Variants in MACROD2 observed in about 807,000 individuals in gnomAD.
MACROD2 encodes mono-ADP ribosylhydrolase 2.
MACROD2 carries 36 observed loss-of-function variants against 70.4 expected under a neutral mutation model. The observed-to-expected ratio is 0.51, with a 90% CI of 0.39 to 0.68. The LOEUF is 0.68. MACROD2 is among the 30% of genes least tolerant of loss of function. The pLI is 0.00. For synonymous variants in MACROD2, 172 were observed against 178.8 expected (o/e 0.96, Z 0.30); for missense variants, 496 against 538.4 (o/e 0.92, Z 0.78).
chr20:15,721,242 ATCTGAAG>A (rs11276839), intron 8 of MACROD2, among the ~76,000 whole-genome samples: 110,397 of 151,570 alleles, frequency 0.73, 41,779 homozygotes, highest in Non-Finnish European at 0.84. Flanking sequence ...TGGTCTACAT[ATCTGAAG>A]TCTTGTAACC....
At chr20:14,295,077 A>G (rs2082416123) in intron 3 of MACROD2, among the ~76,000 whole-genome samples, 1 of 151,812 alleles carries the variant, frequency 6.6e-6, no homozygotes, top group South Asian at 2.1e-4. Flanking sequence ...TTTTTGAAGC[A>G]AATCCCAGAA....
chr20:14,036,423 C>T (rs1187071410), intron 2 of MACROD2, among the ~76,000 whole-genome samples: 1 of 152,142 alleles, frequency 6.6e-6, no homozygotes, highest in Non-Finnish European at 1.5e-5. Flanking sequence ...CAGGAGTCTG[C>T]ACTGTTAACA....
In MACROD2 at chr20:15,998,473, T is replaced by A. The variant is rs372489556; in HGVS notation, c.1153+11315T>A. ...TATCCCATTTGTTGGCATATAATTGTTCATAGCAGTCTCTTATGAACCCTT... is the reference window on the plus strand; with the variant it reads ...TATCCCATTTGTTGGCATATAATTGATCATAGCAGTCTCTTATGAACCCTT... On this transcript the variant is annotated intron_variant, in intron 15 of 17. Coordinates refer to ENST00000684519, the MANE Select transcript of MACROD2 (RefSeq NM_001351661.2). Among the ~76,000 whole-genome samples, 3 of 152,316 alleles carry A rather than the reference T, an allele frequency of 2.0e-5. No individual in the cohort carries two copies. The East Asian group carries it at 5.8e-4, about 29-fold the overall frequency.
chr20:15,145,492 C>T (rs567415854), intron 5 of MACROD2, among the ~76,000 whole-genome samples: 1 of 152,194 alleles, frequency 6.6e-6, no homozygotes, highest in East Asian at 1.9e-4. Flanking sequence ...AATCTGAACC[C>T]TTCTTTTCTG....
At chr20:14,741,892 G>A (rs2071737395) in intron 5 of MACROD2, among the ~76,000 whole-genome samples, 1 of 151,960 alleles carries the variant, frequency 6.6e-6, no homozygotes, top group Non-Finnish European at 1.5e-5. Context: ...AGAAAAAAAT[G>A]CATTAAGCAC....
intron 3 of MACROD2, among the ~76,000 whole-genome samples, chr20:14,275,220 A>G (rs967230643): frequency 3.9e-5 from 6 of 152,190 alleles, no homozygotes; most frequent in African/African-American, 1.4e-4. Flanking sequence ...ATGCTACCTG[A>G]CTTCAAACTA....
At chr20:14,829,148 G>C (rs930635415) in intron 5 of MACROD2, among the ~76,000 whole-genome samples, 2 of 37,852 alleles carry the variant, frequency 5.3e-5, no homozygotes, top group Non-Finnish European at 1.2e-4. Flanking sequence ...TTTTTTTTTT[G>C]AGACAGAGTC....
intron 3 of MACROD2, among the ~76,000 whole-genome samples, chr20:14,487,783 T>C (rs1434753317): frequency 2.0e-5 from 3 of 152,204 alleles, no homozygotes; most frequent in Non-Finnish European, 2.9e-5. Context: ...GTCCTTTTCA[T>C]TTGAGGTCAT....
chr20:14,375,201 C>A (rs905120706), intron 3 of MACROD2, among the ~76,000 whole-genome samples: 5 of 151,850 alleles, frequency 3.3e-5, no homozygotes, highest in Admixed American at 6.6e-5. Context: ...AAATTTTAAT[C>A]AAAAATCACA....
At chr20:15,617,262 AC>A (rs1231813446) in intron 8 of MACROD2, among the ~76,000 whole-genome samples, 3 of 152,218 alleles carry the variant, frequency 2.0e-5, no homozygotes, top group African/African-American at 7.2e-5. Context: ...GCACAGGGAC[AC>A]AACAGACATG....
At position 15,232,439 on chromosome 20, in the gene MACROD2, CTG is replaced by C. The variant is rs556248228; in HGVS notation, c.540+2381_540+2382del. 1.6e-3 allele frequency among the ~76,000 whole-genome samples: 236 copies of C among 152,126 alleles called. 2 individuals are homozygous for C. The highest frequency in any genetic ancestry group is 5.4e-3 in the African/African-American group (223 of 41,558). On this transcript the variant is annotated intron_variant, in intron 6 of 17. Transcript: ENST00000684519. ...TGCTTTGCCACTTATTACTGTGTGA[CTG>C]TGGACAAGTAATGTCAACATTTTGT...
chr20:15,597,253 C>T (rs940585479), intron 8 of MACROD2, among the ~76,000 whole-genome samples: 3 of 152,200 alleles, frequency 2.0e-5, no homozygotes, highest in Admixed American at 6.5e-5. Context: ...AAGTCAAAAA[C>T]TTTCCTTGAA....
Position 15,822,332 on chromosome 20 carries a change from GTC to G in MACROD2, c.646-40409_646-40408del, listed in dbSNP as rs528777930. 2.3e-3 allele frequency among the ~76,000 whole-genome samples: 343 copies of G among 152,162 alleles called. 2 individuals carry two copies. Among genetic ancestry groups the G allele is most frequent in the Non-Finnish European group, 2.5e-3 (169 of 67,986 alleles). ...TATATTAATATAAACTATATTAATA[GTC>G]TCTAAGCCAAATGATATGTGATACA... is the stretch of plus-strand genomic sequence containing the variant. On this transcript the variant is annotated intron_variant, in intron 8 of 17. Coordinates refer to ENST00000684519, the MANE Select transcript of MACROD2 (RefSeq NM_001351661.2).
intron 3 of MACROD2, among the ~76,000 whole-genome samples, chr20:14,172,624 G>A (rs1404161396): frequency 6.6e-6 from 1 of 152,100 alleles, no homozygotes; most frequent in Non-Finnish European, 1.5e-5. Flanking sequence ...TATCTTTTAT[G>A]TGGATTATTT....
chr20:15,487,444 C>T (rs1055189633), intron 7 of MACROD2, among the ~76,000 whole-genome samples: 6 of 152,136 alleles, frequency 3.9e-5, no homozygotes, highest in African/African-American at 1.4e-4. Context: ...ATATAATGTA[C>T]TTTTAATCAC....
At chr20:15,755,311 C>T (rs6131695) in intron 8 of MACROD2, among the ~76,000 whole-genome samples, 1 of 152,164 alleles carries the variant, frequency 6.6e-6, no homozygotes, top group Admixed American at 6.5e-5. Context: ...GCCATGAGTC[C>T]TGAGTGTGTA....
At chr20:15,804,178 T>C (rs1484778515) in intron 8 of MACROD2, among the ~76,000 whole-genome samples, 1 of 152,196 alleles carries the variant, frequency 6.6e-6, no homozygotes, top group Non-Finnish European at 1.5e-5. Context: ...ACTTATAAAC[T>C]TCTTAAAGTT....
At chr20:15,000,402 T>C (rs1294579857) in intron 5 of MACROD2, among the ~76,000 whole-genome samples, 1 of 130,096 alleles carries the variant, frequency 7.7e-6, no homozygotes. Flanking sequence ...GGCGGGTGGA[T>C]CATGAGGTCA....
At chr20:14,754,472 G>A (rs528999625) in intron 5 of MACROD2, among the ~76,000 whole-genome samples, 1 of 152,096 alleles carries the variant, frequency 6.6e-6, no homozygotes, top group South Asian at 2.1e-4. Flanking sequence ...ATTAGTGGTT[G>A]CTGTCAATTA....
Sources: gnomAD v4.1 joint callset for allele counts (sites outside exome capture counted in the v4.1 genomes callset) on GRCh38, gnomAD v4.1.1 for gene constraint, MANE v1.5 for transcripts, NCBI Gene and HGNC (gene_info 2026-07-23, HGNC 2026-07-21) for gene names.